Variants in PLEKHH2 observed in about 807,000 individuals in gnomAD.
PLEKHH2 encodes the protein pleckstrin homology domain-containing family H member 2.
Under a neutral mutation model 187.9 loss-of-function variants are expected in PLEKHH2, and 129 were observed. That is an observed-to-expected ratio of 0.69 (90% CI 0.59 to 0.79). PLEKHH2 has a LOEUF of 0.79. Among genes scored for constraint, PLEKHH2 ranks in the 30% least tolerant of loss-of-function variants. The pLI, the probability that PLEKHH2 is intolerant of heterozygous loss-of-function variation, is 0.00. For synonymous variants in PLEKHH2, 686 were observed against 605.6 expected, an observed-to-expected ratio of 1.13 and a Z score of -1.95; for missense variants, 2,076 against 1,751.2, an observed-to-expected ratio of 1.19 and a Z score of -3.31.
chr2:43,758,905 T>G lies in PLEKHH2; in HGVS notation c.3947T>G (p.Leu1316Arg). Residue 1316 changes from leucine (L) to arginine (R), a missense_variant, in exon 27 of 30, where the codon CTT becomes CGT. Physicochemically the swap from Leu to Arg is moderately radical, Grantham distance 102. Coordinates refer to ENST00000282406, the MANE Select transcript of PLEKHH2 (RefSeq NM_172069.4). ...GTTCTTTTCTTTTTTTTTAGGCAGC[T>G]TTGCCAGCGACTTTCAACCAGATGG... ...DGCSEEQLRQLCQRLSTRWMA... is the reference protein window; with the variant it reads ...DGCSEEQLRQRCQRLSTRWMA... 6.3e-7 allele frequency: 1 copy of G among 1,579,440 alleles called. No homozygotes were observed.
At chr2:43,644,232 G>T (rs1286321233) in intron 1 of PLEKHH2, among the ~76,000 whole-genome samples, 1 of 152,130 alleles carries the variant, frequency 6.6e-6, no homozygotes, top group African/African-American at 2.4e-5. Context: ...AAAATTATGA[G>T]CTGATAGATT....
intron 1 of PLEKHH2, 76 bp downstream of exon 1, chr2:43,637,455 C>G (rs1168591628): frequency 6.6e-6 from 1 of 152,288 alleles, no homozygotes. Context: ...GAGGGCGCCC[C>G]GTCCAGGGGG....
At chr2:43,695,744 C>A (rs749146652) in intron 6 of PLEKHH2, among the ~76,000 whole-genome samples, 1 of 152,174 alleles carries the variant, frequency 6.6e-6, no homozygotes, top group Non-Finnish European at 1.5e-5. Context: ...GTAGTTGTAT[C>A]AGAGAGACAT....
At chr2:43,756,712 C>G (rs368128225) in intron 25 of PLEKHH2, among the ~76,000 whole-genome samples, 3 of 152,124 alleles carry the variant, frequency 2.0e-5, no homozygotes, top group Non-Finnish European at 4.4e-5. Flanking sequence ...CTTTGGTAGG[C>G]CAAGGTAGGC....
At chr2:43,743,716 A>G (rs1294635137) in intron 22 of PLEKHH2, 118 bp from the exon 23 acceptor site, 4 of 984,192 alleles carry the variant, frequency 4.1e-6, no homozygotes, top group Non-Finnish European at 5.5e-6. Context: ...AAGTTGAAGC[A>G]CCTAGAAAAA....
chr2:43,754,983 C>T (rs190422416), intron 25 of PLEKHH2, among the ~76,000 whole-genome samples: 20 of 150,972 alleles, frequency 1.3e-4, no homozygotes, highest in South Asian at 6.3e-4. Context: ...AGCGATTCTC[C>T]TGCCTCAGCC....
At chr2:43,648,908 T>TA (rs1666330162) in intron 2 of PLEKHH2, among the ~76,000 whole-genome samples, 3 of 152,204 alleles carry the variant, frequency 2.0e-5, no homozygotes, top group Admixed American at 1.3e-4. Context: ...TGATAGCAGA[T>TA]GTATTTCTGA....
intron 18 of PLEKHH2, among the ~76,000 whole-genome samples, 194 bp from the exon 19 acceptor site, chr2:43,731,296 A>G (rs1671025376): frequency 1.3e-5 from 2 of 152,206 alleles, no homozygotes; most frequent in South Asian, 4.1e-4. Context: ...CAAAACACAA[A>G]AAACAGTAAC....
chr2:43,733,889 A>G (rs928683554), intron 19 of PLEKHH2, among the ~76,000 whole-genome samples: 1 of 152,220 alleles, frequency 6.6e-6, no homozygotes, highest in African/African-American at 2.4e-5. Flanking sequence ...ACCTAAAGCA[A>G]GAAAGACTAT....
chr2:43,645,529 C>CTTCA (rs1400476421), intron 2 of PLEKHH2, among the ~76,000 whole-genome samples: 1 of 152,092 alleles, frequency 6.6e-6, no homozygotes, highest in East Asian at 1.9e-4. Flanking sequence ...ATGTTCAACA[C>CTTCA]TTCAGATAAG....
Position 43,644,758 on chromosome 2 carries a change from G to A in PLEKHH2, c.85G>A (p.Val29Ile), listed in dbSNP as rs112429197. ...GGAGTCCCAACTCATGAAATTTAGA[G>A]TTCAAGCAAGCAAGATACGAGAGCT... ...ALESQLMKFR[V>I]QASKIRELLA... Residue 29 changes from valine (V) to isoleucine (I), a missense_variant, in exon 2 of 30, where the codon GTT (valine) becomes ATT (isoleucine). Coordinates refer to ENST00000282406, the MANE Select transcript of PLEKHH2 (RefSeq NM_172069.4). The A allele has an allele frequency of 9.6e-4, 1,547 of 1,609,902 alleles. 13 individuals carry two copies. In the African/African-American group the frequency reaches 0.018, roughly 19 times the overall value.
intron 25 of PLEKHH2, among the ~76,000 whole-genome samples, chr2:43,754,200 ACAC>A (rs1270193361): frequency 0.011 from 1,435 of 129,652 alleles, 26 homozygotes; most frequent in African/African-American, 0.036. Context: ...ACACACACAC[ACAC>A]ACAAAATTAA....
At chr2:43,728,724 G>T (rs1281126854) in intron 17 of PLEKHH2, among the ~76,000 whole-genome samples, 1 of 151,620 alleles carries the variant, frequency 6.6e-6, no homozygotes. Flanking sequence ...ACCATGCCCA[G>T]CTAATTTTTG....
chr2:43,644,891 T>A, intron 2 of PLEKHH2, 95 bp downstream of exon 2: 1 of 1,323,546 alleles, frequency 7.6e-7, no homozygotes, highest in Non-Finnish European at 1.0e-6. Context: ...GGGTTTGATT[T>A]AATTTTTGTC....
At chr2:43,677,613 C>T (rs181462262) in intron 2 of PLEKHH2, among the ~76,000 whole-genome samples, 28,142 of 151,372 alleles carry the variant, frequency 0.19, 2,704 homozygotes, top group Middle Eastern at 0.3. Flanking sequence ...CACACAGACA[C>T]GGCAACCATC....
intron 2 of PLEKHH2, among the ~76,000 whole-genome samples, chr2:43,655,940 T>C (rs1056671902): frequency 6.6e-6 from 1 of 151,528 alleles, no homozygotes; most frequent in Non-Finnish European, 1.5e-5. Context: ...TCATCATCTA[T>C]TTAATCTGGA....
rs182654764 is a variant in PLEKHH2, at chr2:43,644,929, T to A, written c.123+133T>A. The A allele has an allele frequency of 5.9e-3, 6,113 of 1,029,022 alleles. 29 individuals are homozygous for A. Among genetic ancestry groups the A allele is most frequent in the Non-Finnish European group, 7.4e-3 (5,528 of 746,602 alleles). The allele number at this position is 1,029,022 out of a possible 1,614,324, so 63.7% of individuals were successfully genotyped here. ...GTATTTGAAGCTATATTTGGCATAT[T>A]CTTTTGCCAGTGTTAGGGTAGATTG... is the stretch of plus-strand genomic sequence containing the variant. On this transcript the variant is annotated intron_variant, in intron 2 of 29. Coordinates refer to ENST00000282406, the MANE Select transcript of PLEKHH2 (RefSeq NM_172069.4).
intron 3 of PLEKHH2, chr2:43,681,109 T>A: frequency 9.9e-7 from 1 of 1,014,842 alleles, no homozygotes; most frequent in East Asian, 2.5e-5. Flanking sequence ...CCAGAATTAC[T>A]ATGGTTGTGA....
At chr2:43,696,404 C>T (rs1669093065) in intron 6 of PLEKHH2, among the ~76,000 whole-genome samples, 1 of 150,894 alleles carries the variant, frequency 6.6e-6, no homozygotes. Flanking sequence ...GGGAGGATCA[C>T]TTGAGCCCGG....
Sources: gnomAD v4.1 joint callset for allele counts (sites outside exome capture counted in the v4.1 genomes callset) on GRCh38, gnomAD v4.1.1 for gene constraint, MANE v1.5 for transcripts, NCBI Gene and HGNC (gene_info 2026-07-23, HGNC 2026-07-21) for gene names.